The following PXDNL variants were observed in gnomAD, a reference collection of about 807,000 sequenced individuals.
PXDNL encodes the protein peroxidasin like.
Under a neutral mutation model 150.8 loss-of-function variants are expected in PXDNL, and 145 were observed. That is an observed-to-expected ratio of 0.96 (90% CI 0.84 to 1.10). The LOEUF is 1.10. Ranked by LOEUF, PXDNL falls within the 50% of genes least tolerant of loss-of-function variation. The probability of loss-of-function intolerance (pLI) is 0.00; values close to 1 mark genes in which losing one functional copy is unlikely to be tolerated. For synonymous variants in PXDNL, 757 were observed against 725.7 expected (o/e 1.04, Z -0.69); for missense variants, 2,087 against 1,873.9 (o/e 1.11, Z -2.10).
chr8:51,396,478 T>A (rs1211528964), intron 17 of PXDNL, among the ~76,000 whole-genome samples: 1 of 152,198 alleles, frequency 6.6e-6, no homozygotes, highest in Non-Finnish European at 1.5e-5. Flanking sequence ...ATAAACAGGC[T>A]GGGTGCAGTG....
intron 14 of PXDNL, among the ~76,000 whole-genome samples, chr8:51,415,746 T>A (rs1808782367): frequency 6.6e-6 from 1 of 152,090 alleles, no homozygotes; most frequent in Non-Finnish European, 1.5e-5. Context: ...TAGAAAGAGA[T>A]AACCATAAAA....
intron 17 of PXDNL, among the ~76,000 whole-genome samples, chr8:51,388,694 A>G (rs1035597630): frequency 5.3e-5 from 8 of 152,098 alleles, no homozygotes; most frequent in Non-Finnish European, 4.4e-5. Context: ...TGGAACTTCT[A>G]TAAATATTTG....
intron 1 of PXDNL, among the ~76,000 whole-genome samples, chr8:51,688,194 G>A (rs778529242): frequency 4.6e-5 from 7 of 152,084 alleles, no homozygotes; most frequent in Non-Finnish European, 1.0e-4. Context: ...TATGACCAGA[G>A]GCAATGCCAC....
intron 2 of PXDNL, among the ~76,000 whole-genome samples, chr8:51,635,261 C>A (rs1315932759): frequency 1.3e-5 from 2 of 151,996 alleles, no homozygotes; most frequent in Non-Finnish European, 2.9e-5. Context: ...ACTGTAAAGG[C>A]CTACATTTTC....
chr8:51,486,764 A>T (rs1326626387), intron 5 of PXDNL, among the ~76,000 whole-genome samples: 1 of 14,720 alleles, frequency 6.8e-5, no homozygotes, highest in African/African-American at 2.8e-4. Flanking sequence ...ATATATATAT[A>T]TATATATATA....
At chr8:51,772,306 A>G (rs1466663774) in intron 1 of PXDNL, among the ~76,000 whole-genome samples, 1 of 148,422 alleles carries the variant, frequency 6.7e-6, no homozygotes, top group African/African-American at 2.5e-5. Context: ...TGCATGCCCC[A>G]CTCTCTCTTT....
chr8:51,612,222 C>G (rs1017440434), intron 2 of PXDNL, among the ~76,000 whole-genome samples: 3 of 152,148 alleles, frequency 2.0e-5, no homozygotes, highest in African/African-American at 7.2e-5. Flanking sequence ...TCCTCTCTTT[C>G]CCAGCAACCC....
At chr8:51,719,865 G>A (rs936135529) in intron 1 of PXDNL, among the ~76,000 whole-genome samples, 2 of 152,018 alleles carry the variant, frequency 1.3e-5, no homozygotes, top group African/African-American at 2.4e-5. Flanking sequence ...ATCAGTAAGC[G>A]GTGCGCTTAG....
chr8:51,480,794 C>T (rs1288343814), intron 6 of PXDNL, among the ~76,000 whole-genome samples: 1 of 152,186 alleles, frequency 6.6e-6, no homozygotes, highest in Non-Finnish European at 1.5e-5. Flanking sequence ...GCTCTCTTGC[C>T]TGCTGCCATG....
chr8:51,584,624 T>C (rs1456309357), intron 3 of PXDNL, among the ~76,000 whole-genome samples: 2 of 152,132 alleles, frequency 1.3e-5, no homozygotes, highest in African/African-American at 4.8e-5. Context: ...CCCAACATAA[T>C]ACAGTTGCCA....
intron 17 of PXDNL, among the ~76,000 whole-genome samples, chr8:51,399,435 T>C (rs1358324286): frequency 6.6e-6 from 1 of 152,140 alleles, no homozygotes; most frequent in African/African-American, 2.4e-5. Flanking sequence ...CTTCACAATA[T>C]AGGTGAACTC....
chr8:51,326,648 T>C (rs931284601), intron 21 of PXDNL, among the ~76,000 whole-genome samples: 1 of 152,220 alleles, frequency 6.6e-6, no homozygotes, highest in African/African-American at 2.4e-5. Context: ...TAAGGATATA[T>C]AATCAAAAGT....
chr8:51,754,751 T>C (rs71513544), intron 1 of PXDNL, among the ~76,000 whole-genome samples: 24,778 of 152,094 alleles, frequency 0.16, 2,281 homozygotes, highest in Non-Finnish European at 0.2. Flanking sequence ...GATCTGCCCA[T>C]CTTGCCCTCC....
At chr8:51,703,932 T>C (rs1322896294) in intron 1 of PXDNL, among the ~76,000 whole-genome samples, 1 of 152,240 alleles carries the variant, frequency 6.6e-6, no homozygotes, top group East Asian at 1.9e-4. Context: ...TATTTTTATT[T>C]TATCTGTGTT....
chr8:51,454,928 G>A (rs1056916125), intron 9 of PXDNL, among the ~76,000 whole-genome samples: 17 of 152,030 alleles, frequency 1.1e-4, no homozygotes, highest in Admixed American at 7.9e-4. Context: ...AAATGTGATA[G>A]GAGAACATTC....
intron 2 of PXDNL, among the ~76,000 whole-genome samples, chr8:51,643,072 G>A (rs1446997785): frequency 1.3e-5 from 2 of 152,164 alleles, no homozygotes; most frequent in Non-Finnish European, 2.9e-5. Context: ...AATATTCCAT[G>A]CTCATGGGTA....
At position 51,408,200 on chromosome 8, in the gene PXDNL, T is replaced by A. The variant is rs1808490361; in HGVS notation, c.3424A>T (p.Ile1142Phe). The change falls in exon 17 of 23, where the codon ATT becomes TTT. Residue 1142 changes from isoleucine (I) to phenylalanine (F), a missense_variant. Coordinates refer to ENST00000356297, the MANE Select transcript of PXDNL (RefSeq NM_144651.5). ...ATCCCGTGGTCTCTACCCCTTTGAA[T>A]GATGGTGGCAGCCGAATCCACGGCC... ...SAAVDSAATI[I>F]QRGRDHGIPP... is the part of the protein sequence containing the mutation. The A allele has an allele frequency of 6.2e-7, 1 of 1,613,996 alleles. No individual in the cohort carries two copies. The highest frequency in any genetic ancestry group is 8.5e-7 in the Non-Finnish European group (1 of 1,179,894).
At chr8:51,372,583 C>T (rs1807158014) in intron 18 of PXDNL, among the ~76,000 whole-genome samples, 1 of 152,116 alleles carries the variant, frequency 6.6e-6, no homozygotes, top group Admixed American at 6.5e-5. Context: ...CGGGGATTCG[C>T]CATGTTGGCC....
chr8:51,374,519 TCA>T (rs1807236625), intron 18 of PXDNL, 76 bp downstream of exon 18: 1 of 1,421,682 alleles, frequency 7.0e-7, no homozygotes, highest in African/African-American at 1.4e-5. Context: ...AAAATATGAA[TCA>T]CAATGTTAAA....
Sources: gnomAD v4.1 joint callset for allele counts (sites outside exome capture counted in the v4.1 genomes callset) on GRCh38, gnomAD v4.1.1 for gene constraint, MANE v1.5 for transcripts, NCBI Gene and HGNC (gene_info 2026-07-23, HGNC 2026-07-21) for gene names.